Variants in CACNA1C observed in about 807,000 individuals in gnomAD.
CACNA1C encodes the protein voltage-dependent L-type calcium channel subunit alpha-1C.
In CACNA1C, 30 loss-of-function variants were observed where a neutral mutation model predicts 229.0. The ratio of observed to expected loss-of-function variants is 0.13; its 90% CI spans 0.10 to 0.18. The LOEUF (loss-of-function observed/expected upper bound fraction) is 0.18, where lower values mean the gene tolerates loss of function less well. Among genes scored for constraint, CACNA1C ranks in the 10% least tolerant of loss-of-function variants. CACNA1C has a pLI of 1.00. For missense variants in CACNA1C, 1,658 were observed against 2,845.0 expected (o/e 0.58, Z 9.49); for synonymous variants, 1,114 against 1,132.5 (o/e 0.98, Z 0.33).
At position 2,188,845 on chromosome 12, in the gene CACNA1C, C is replaced by T. The variant is rs1156641507; in HGVS notation, c.477+68415C>T. Among the ~76,000 whole-genome samples, 16 of 152,196 alleles carry T rather than the reference C, an allele frequency of 1.1e-4. No homozygotes were observed. The East Asian group carries it at 1.9e-3, about 18-fold the overall frequency. On this transcript the variant is annotated intron_variant, in intron 3 of 46. Coordinates refer to ENST00000399655, the MANE Select transcript of CACNA1C (RefSeq NM_000719.7). ...CGGTGTCTCACGCCTGTAATCCCAGCCCTTTGGGAGGCCGAGGCAGGCGGA... is the reference window on the plus strand; with the variant it reads ...CGGTGTCTCACGCCTGTAATCCCAGTCCTTTGGGAGGCCGAGGCAGGCGGA...
intron 1 of CACNA1C, among the ~76,000 whole-genome samples, chr12:2,112,628 C>T (rs1016474342): frequency 1.3e-5 from 2 of 152,018 alleles, no homozygotes; most frequent in Admixed American, 6.5e-5. Flanking sequence ...GGCCAGATGG[C>T]GGTAGAGCAG....
intron 37 of CACNA1C, among the ~76,000 whole-genome samples, chr12:2,667,769 G>A (rs1024329253): frequency 2.3e-4 from 35 of 152,178 alleles, no homozygotes; most frequent in African/African-American, 8.0e-4. Context: ...CACCGTCCAT[G>A]AGGCTCATCA....
At chr12:2,435,076 C>T (rs527316665) in intron 3 of CACNA1C, among the ~76,000 whole-genome samples, 163 of 152,310 alleles carry the variant, frequency 1.1e-3, no homozygotes, top group Non-Finnish European at 2.0e-3. Flanking sequence ...CCTCACCTGC[C>T]TGGGCAGAGG....
rs1344022748 is a variant in CACNA1C, at chr12:2,651,377, T to C, written c.3946-263T>C. The C allele has an allele frequency of 1.8e-6, 1 of 561,250 alleles. No homozygotes were observed. The highest frequency in any genetic ancestry group is 3.2e-6 in the Non-Finnish European group (1 of 316,108). 34.8% of individuals were successfully genotyped at this position (561,250 alleles called of 1,614,324 possible). ...CATCCAGGGCATTAAGAACTAGGAA[T>C]GAAGGGGAATCGGGGAGAATAAAAA... On this transcript the variant is annotated intron_variant, in intron 31 of 46. Coordinates refer to ENST00000399655, the MANE Select transcript of CACNA1C (RefSeq NM_000719.7). The surrounding 1 kb of genome is among the most constrained non-coding windows in gnomAD (Gnocchi z 5.4).
At chr12:2,246,916 C>T (rs970950146) in intron 3 of CACNA1C, among the ~76,000 whole-genome samples, 4 of 152,162 alleles carry the variant, frequency 2.6e-5, no homozygotes, top group Admixed American at 6.5e-5. Context: ...GCATCCCTGT[C>T]TCCCCACTTC....
intron 1 of CACNA1C, among the ~76,000 whole-genome samples, chr12:2,070,369 G>A (rs1429162165): frequency 2.0e-5 from 3 of 152,150 alleles, no homozygotes; most frequent in Non-Finnish European, 4.4e-5. Flanking sequence ...GTCTTTGAGA[G>A]GAAGCTTTAT....
intron 13 of CACNA1C, among the ~76,000 whole-genome samples, chr12:2,576,761 C>T (rs992887776): frequency 3.3e-5 from 5 of 151,924 alleles, no homozygotes; most frequent in African/African-American, 1.2e-4. Flanking sequence ...GGTTTCACGT[C>T]ACCCTACCCA....
At chr12:2,033,593 G>A (rs1303812311) in intron 1 of CACNA1C, among the ~76,000 whole-genome samples, 2 of 152,068 alleles carry the variant, frequency 1.3e-5, no homozygotes, top group Non-Finnish European at 2.9e-5. Context: ...ATAATCCTAA[G>A]GACAAAGTTT....
At chr12:2,186,719 C>G (rs1272076627) in intron 3 of CACNA1C, among the ~76,000 whole-genome samples, 1 of 152,146 alleles carries the variant, frequency 6.6e-6, no homozygotes, top group Non-Finnish European at 1.5e-5. Flanking sequence ...ATGCCAGGTA[C>G]TATGCTAAGT....
chr12:2,580,325 C>A (rs2060053438), intron 13 of CACNA1C, among the ~76,000 whole-genome samples: 1 of 152,188 alleles, frequency 6.6e-6, no homozygotes, highest in Admixed American at 6.5e-5. Flanking sequence ...AACTATGACC[C>A]CTCTGCTTCT....
intron 3 of CACNA1C, among the ~76,000 whole-genome samples, chr12:2,433,442 C>CA (rs140473447): frequency 0.11 from 16,966 of 152,220 alleles, 1,034 homozygotes; most frequent in Middle Eastern, 0.14. Context: ...TGATAAATAG[C>CA]CCTTCTCTGC....
At chr12:2,462,638 G>A (rs962688891) in intron 5 of CACNA1C, among the ~76,000 whole-genome samples, 14 of 152,320 alleles carry the variant, frequency 9.2e-5, no homozygotes, top group South Asian at 6.2e-4. Flanking sequence ...ATGGCGGCTG[G>A]CATAGCTTCA....
chr12:2,532,587 C>G (rs2099843741), intron 9 of CACNA1C, among the ~76,000 whole-genome samples: 1 of 152,198 alleles, frequency 6.6e-6, no homozygotes, highest in Non-Finnish European at 1.5e-5. Context: ...TCTGGCTGGA[C>G]AGGCCCACCG....
intron 3 of CACNA1C, among the ~76,000 whole-genome samples, chr12:2,161,439 T>G (rs2095848110): frequency 6.6e-6 from 1 of 152,212 alleles, no homozygotes; most frequent in Admixed American, 6.5e-5. Context: ...CTTTGTCATT[T>G]TGCTGAGGGC....
intron 3 of CACNA1C, among the ~76,000 whole-genome samples, chr12:2,230,516 G>C (rs1165670175): frequency 6.6e-6 from 1 of 152,216 alleles, no homozygotes; most frequent in African/African-American, 2.4e-5. Context: ...AAGGCTAAGA[G>C]GAGAACAGAA....
rs574498191 is a variant in CACNA1C, at chr12:2,678,875, A to G, written c.5092-569A>G. Among the ~76,000 whole-genome samples, 1 of 152,356 alleles carries G rather than the reference A, an allele frequency of 6.6e-6. No individual in the cohort carries two copies. Among genetic ancestry groups the G allele is most frequent in the East Asian group, 1.9e-4 (1 of 5,178 alleles). ...GACAAGGAAAAGAATACTGGGGAAA[A>G]ACATTGGCTCCTGGTTTTAAATCTC... On this transcript the variant is annotated intron_variant, in intron 41 of 46. Coordinates refer to ENST00000399655, the MANE Select transcript of CACNA1C (RefSeq NM_000719.7). This position sits in a 1 kb window ranked among gnomAD's most constrained non-coding sequence, Gnocchi z 4.1.
At chr12:2,522,524 G>A (rs2099811906) in intron 9 of CACNA1C, among the ~76,000 whole-genome samples, 1 of 152,182 alleles carries the variant, frequency 6.6e-6, no homozygotes, top group South Asian at 2.1e-4. Flanking sequence ...GAGAAAGTGG[G>A]CCGAGAGGAA....
At chr12:2,122,257 C>T (rs946499824) in intron 3 of CACNA1C, among the ~76,000 whole-genome samples, 4 of 152,188 alleles carry the variant, frequency 2.6e-5, no homozygotes, top group Non-Finnish European at 5.9e-5. Context: ...GCTTGCACAA[C>T]TGTGTAACTT....
chr12:2,599,115 A>T (rs2070440315), intron 21 of CACNA1C, among the ~76,000 whole-genome samples: 1 of 152,152 alleles, frequency 6.6e-6, no homozygotes. Flanking sequence ...TGTGGATTTC[A>T]ATGGTGCTAT....
Sources: allele counts gnomAD v4.1 joint callset (sites outside exome capture counted in the v4.1 genomes callset), GRCh38; gene constraint gnomAD v4.1.1; non-coding constraint Gnocchi (gnomAD v3.1); transcripts MANE v1.5; gene names NCBI Gene and HGNC (gene_info 2026-07-23, HGNC 2026-07-21).